The following CYRIA variants were observed in gnomAD, a reference collection of about 807,000 sequenced individuals.
The protein encoded by CYRIA is CYFIP-related Rac1 interactor A.
In CYRIA, 15 loss-of-function variants were observed where a neutral mutation model predicts 43.9. The observed-to-expected ratio is 0.34, with a 90% CI of 0.23 to 0.53. The LOEUF is 0.53. CYRIA is among the 20% of genes least tolerant of loss of function. The probability of loss-of-function intolerance (pLI) is 0.94; values close to 1 mark genes in which losing one functional copy is unlikely to be tolerated. For missense variants in CYRIA, 236 were observed against 394.2 expected (o/e 0.60, Z 3.40); for synonymous variants, 117 against 136.0 (o/e 0.86, Z 0.97).
chr2:16,613,582 A>G (rs2103494823), intron 2 of CYRIA, among the ~76,000 whole-genome samples: 1 of 149,772 alleles, frequency 6.7e-6, no homozygotes, highest in East Asian at 1.9e-4. Context: ...ATTTCTGCTA[A>G]ATTGGAGAGC....
chr2:16,614,424 C>A (rs927994774), intron 2 of CYRIA, among the ~76,000 whole-genome samples: 2 of 152,218 alleles, frequency 1.3e-5, no homozygotes, highest in Non-Finnish European at 2.9e-5. Context: ...CCCAGCCTGG[C>A]TCCTGATGAC....
chr2:16,630,823 G>A (rs1031792726), intron 1 of CYRIA, among the ~76,000 whole-genome samples: 1 of 152,174 alleles, frequency 6.6e-6, no homozygotes. Context: ...TCCCATCCAC[G>A]GCTCCAACTA....
intron 2 of CYRIA, among the ~76,000 whole-genome samples, chr2:16,606,978 A>G (rs561052919): frequency 2.6e-5 from 4 of 152,304 alleles, no homozygotes; most frequent in Admixed American, 1.3e-4. Flanking sequence ...AAAATCCAAT[A>G]AAAGCCATCA....
At position 16,646,851 on chromosome 2, in the gene CYRIA, G is replaced by C. The variant is rs10202125; in HGVS notation, c.-167+18929C>G. Among the ~76,000 whole-genome samples the C allele has an allele frequency of 9.9e-5, 15 of 152,178 alleles. No individual in the cohort carries two copies. In the East Asian group the frequency reaches 2.7e-3, roughly 27 times the overall value. On this transcript the variant is annotated intron_variant, in intron 1 of 11. Coordinates refer to ENST00000381323, the MANE Select transcript of CYRIA (RefSeq NM_030797.4). ...GGGGGGATTTTCTCTCTTTGCTTCT[G>C]TGTCTTTAAGCTAGAAGATGAGTCC...
intron 3 of CYRIA, among the ~76,000 whole-genome samples, chr2:16,579,419 G>GCACACA (rs35850813): frequency 0.06 from 8,840 of 147,322 alleles, 698 homozygotes; most frequent in African/African-American, 0.18. Context: ...ACATGCACAT[G>GCACACA]CACACACACA....
At chr2:16,604,362 G>A (rs907177046) in intron 2 of CYRIA, among the ~76,000 whole-genome samples, 10 of 152,352 alleles carry the variant, frequency 6.6e-5, no homozygotes, top group African/African-American at 2.2e-4. Context: ...GCTTGCAGAT[G>A]TCCCACAGTG....
At chr2:16,627,093 T>G (rs1188621396) in intron 1 of CYRIA, among the ~76,000 whole-genome samples, 1 of 152,142 alleles carries the variant, frequency 6.6e-6, no homozygotes, top group Non-Finnish European at 1.5e-5. Context: ...CCTTTCCCCA[T>G]GTCCTGTCCC....
intron 2 of CYRIA, among the ~76,000 whole-genome samples, chr2:16,620,926 G>C (rs1050225291): frequency 6.6e-6 from 1 of 152,176 alleles, no homozygotes; most frequent in African/African-American, 2.4e-5. Context: ...CTCCAGGACT[G>C]AGTGCAGACA....
chr2:16,653,752 T>C (rs1189652620), intron 1 of CYRIA, among the ~76,000 whole-genome samples: 1 of 152,170 alleles, frequency 6.6e-6, no homozygotes, highest in African/African-American at 2.4e-5. Flanking sequence ...GGGGAAGGTT[T>C]ATGGCGAATG....
chr2:16,641,947 T>C (rs1489836596), intron 1 of CYRIA, among the ~76,000 whole-genome samples: 1 of 152,210 alleles, frequency 6.6e-6, no homozygotes, highest in Non-Finnish European at 1.5e-5. Flanking sequence ...ATTTACTTGA[T>C]CTCTAGGAGG....
At chr2:16,588,234 G>A (rs1047028455) in intron 2 of CYRIA, 105 bp from the exon 3 acceptor site, 2 of 646,686 alleles carry the variant, frequency 3.1e-6, no homozygotes, top group East Asian at 2.8e-5. Flanking sequence ...ACCAGAAAGA[G>A]AGCATCTCCA....
chr2:16,602,707 A>T (rs1222440867), intron 2 of CYRIA, among the ~76,000 whole-genome samples: 1 of 152,166 alleles, frequency 6.6e-6, no homozygotes, highest in Non-Finnish European at 1.5e-5. Context: ...GAATGGGTCC[A>T]AGAATCCACA....
chr2:16,554,932 C>T, intron 11 of CYRIA, 137 bp downstream of exon 11: 1 of 586,068 alleles, frequency 1.7e-6, no homozygotes, highest in South Asian at 2.7e-5. Context: ...GTGCTGACCT[C>T]AAAAGATTGT....
intron 3 of CYRIA, 29 bp from the exon 4 acceptor site, chr2:16,565,796 G>A (rs764956216): frequency 1.3e-6 from 2 of 1,518,682 alleles, no homozygotes; most frequent in Non-Finnish European, 1.8e-6. Flanking sequence ...GAGAGACAGA[G>A]TGCTGGTGTT....
At chr2:16,618,113 C>T (rs758964833) in intron 2 of CYRIA, among the ~76,000 whole-genome samples, 1 of 152,152 alleles carries the variant, frequency 6.6e-6, no homozygotes, top group Non-Finnish European at 1.5e-5. Context: ...AGTCAGGCTT[C>T]CTTGGCGAGG....
chr2:16,654,356 T>C (rs1435888099), intron 1 of CYRIA, among the ~76,000 whole-genome samples: 1 of 152,236 alleles, frequency 6.6e-6, no homozygotes, highest in Non-Finnish European at 1.5e-5. Context: ...AAATACCATA[T>C]ACTATTTGCA....
chr2:16,573,848 A>C (rs1348724270), intron 3 of CYRIA, among the ~76,000 whole-genome samples: 1 of 152,216 alleles, frequency 6.6e-6, no homozygotes, highest in Admixed American at 6.5e-5. Context: ...TAAATTGCCC[A>C]GTCTCAGGTA....
rs548919737 is a variant in CYRIA at position 16,616,791 on chromosome 2, C to T, written c.-11+7073G>A. Among the ~76,000 whole-genome samples, 503 of 152,348 alleles carry T rather than the reference C, an allele frequency of 3.3e-3. 4 individuals are homozygous for T. The highest frequency in any genetic ancestry group is 0.011 in the African/African-American group (455 of 41,578). On this transcript the variant is annotated intron_variant, in intron 2 of 11. Coordinates refer to ENST00000381323, the MANE Select transcript of CYRIA (RefSeq NM_030797.4). Reference sequence around the variant, plus strand: ...AGTGCCCCAGGCACTTTTCCAAATGCTTGCCTGTATTAACTCAGGTAGTGA... The same window carrying T: ...AGTGCCCCAGGCACTTTTCCAAATGTTTGCCTGTATTAACTCAGGTAGTGA...
chr2:16,561,518 T>C lies in CYRIA; in HGVS notation c.451A>G (p.Ile151Val), dbSNP rs1401651461. The change falls in exon 7 of 12, where the codon ATT (isoleucine) becomes GTT (valine). Residue 151 changes from isoleucine to valine, a missense_variant. Physicochemically the swap from Ile to Val is conservative, Grantham distance 29. Around this residue, in one of 3 missense-constraint regions of CYRIA, gnomAD observed 193 missense variants for 303.9 expected, o/e 0.64. Coordinates refer to ENST00000381323, the MANE Select transcript of CYRIA (RefSeq NM_030797.4). ...FDELKMRNPA[I>V]QNDFSYYRRT... The stretch of plus-strand genomic sequence containing the variant: ...CTGTAGTAGCTGAAGTCATTCTGAA[T>C]AGCCGGGTTCCTCATCTGAAATTCA... 2 of 1,613,594 alleles carry C rather than the reference T, an allele frequency of 1.2e-6. No individual in the cohort carries two copies. Among genetic ancestry groups the C allele is most frequent in the Non-Finnish European group, 1.7e-6 (2 of 1,179,718 alleles).
Sources: allele counts gnomAD v4.1 joint callset (sites outside exome capture counted in the v4.1 genomes callset), GRCh38; gene constraint gnomAD v4.1.1; regional missense constraint gnomAD v4.1.1; transcripts MANE v1.5; gene names NCBI Gene and HGNC (gene_info 2026-07-23, HGNC 2026-07-21).